Variants in NXPE2 observed in about 807,000 individuals in gnomAD.
NXPE2 encodes neurexophilin and PC-esterase domain family member 2.
NXPE2 carries 34 observed loss-of-function variants against 34.4 expected under a neutral mutation model. That is an observed-to-expected ratio of 0.99 (90% confidence interval 0.75 to 1.31). NXPE2 has a LOEUF of 1.31. NXPE2 is among the 40% of genes most tolerant of loss of function. The probability of loss-of-function intolerance (pLI) is 0.00; values close to 1 mark genes in which losing one functional copy is unlikely to be tolerated. For synonymous variants in NXPE2, 235 were observed against 231.3 expected, an observed-to-expected ratio of 1.02 and a Z score of -0.15; for missense variants, 649 against 672.5, an observed-to-expected ratio of 0.97 and a Z score of 0.39.
At chr11:114,577,107 A>G in the NXPE2 span, among the ~76,000 whole-genome samples, 1 of 142,468 alleles carries the variant, frequency 7.0e-6, no homozygotes, top group Non-Finnish European at 1.5e-5. Flanking sequence ...AAAGTTATAT[A>G]TATACACATA....
chr11:114,513,013 A>T, the NXPE2 span: 6 of 378,422 alleles, frequency 1.6e-5, no homozygotes, highest in Non-Finnish European at 5.4e-6. Flanking sequence ...GGGGTGGGTG[A>T]GCAGCAGAGA....
intron 3 of NXPE2, 89 bp downstream of exon 3, chr11:114,698,867 C>T (rs1041485213): frequency 2.5e-5 from 31 of 1,242,736 alleles, no homozygotes; most frequent in Non-Finnish European, 3.2e-5. Context: ...ACTTTTGTAT[C>T]ATGTCAATTA....
chr11:114,510,127 T>C, the NXPE2 span, among the ~76,000 whole-genome samples: 2 of 152,244 alleles, frequency 1.3e-5, no homozygotes, highest in Admixed American at 6.5e-5. Flanking sequence ...AAAATTATTA[T>C]AAATCTAAAA....
At chr11:114,504,141 G>C in the NXPE2 span, among the ~76,000 whole-genome samples, 1 of 152,192 alleles carries the variant, frequency 6.6e-6, no homozygotes, top group Non-Finnish European at 1.5e-5. Flanking sequence ...GTCTGCAGGG[G>C]TGGGTTTTGC....
chr11:114,736,513 C>G, the NXPE2 span, among the ~76,000 whole-genome samples: 1 of 152,228 alleles, frequency 6.6e-6, no homozygotes, highest in Non-Finnish European at 1.5e-5. Context: ...AAGGTTATCT[C>G]TCTTGTTCCC....
rs553951276 is a variant in NXPE2 at position 114,682,356 on chromosome 11, C to T, written c.132+2594C>T. On this transcript the variant is annotated intron_variant, in intron 2 of 5. Coordinates refer to ENST00000389586, the MANE Select transcript of NXPE2 (RefSeq NM_182495.6). The stretch of plus-strand genomic sequence containing the variant: ...CTTACTTTATCTTTTAAAGTTGGCC[C>T]TTACAATCTCATATGCCCACCTCTT... Among the ~76,000 whole-genome samples, 10 of 152,256 alleles carry T rather than the reference C, an allele frequency of 6.6e-5. 1 individual carries two copies. The East Asian group carries it at 1.9e-3, about 29-fold the overall frequency.
the NXPE2 span, among the ~76,000 whole-genome samples, chr11:114,489,250 A>G: frequency 6.6e-6 from 1 of 152,208 alleles, no homozygotes; most frequent in African/African-American, 2.4e-5. Context: ...CCGGGACCAG[A>G]TGGATTCACA....
At chr11:114,662,856 G>A in the NXPE2 span, among the ~76,000 whole-genome samples, 8 of 152,162 alleles carry the variant, frequency 5.3e-5, no homozygotes, top group Non-Finnish European at 7.4e-5. Flanking sequence ...GTTATCACCT[G>A]CTATCTGCAG....
At chr11:114,533,491 G>A in the NXPE2 span, among the ~76,000 whole-genome samples, 22 of 152,320 alleles carry the variant, frequency 1.4e-4, no homozygotes, top group East Asian at 1.9e-4. Context: ...GCGAGGCATC[G>A]CCTCACCCGG....
the NXPE2 span, among the ~76,000 whole-genome samples, chr11:114,652,036 G>T: frequency 6.6e-6 from 1 of 152,180 alleles, no homozygotes. Context: ...CAAAGCATTT[G>T]TTACCCAACT....
the NXPE2 span, among the ~76,000 whole-genome samples, chr11:114,593,196 ACTT>A: frequency 6.6e-6 from 1 of 152,056 alleles, no homozygotes; most frequent in African/African-American, 2.4e-5. Context: ...AAAACTAAAA[ACTT>A]CTTCACAGCA....
the NXPE2 span, among the ~76,000 whole-genome samples, chr11:114,630,866 C>T: frequency 4.0e-5 from 6 of 151,590 alleles, no homozygotes; most frequent in South Asian, 2.1e-4. Context: ...GGGCAAAGGA[C>T]ATGAACAGAC....
At chr11:114,766,185 T>C in the NXPE2 span, among the ~76,000 whole-genome samples, 1 of 152,186 alleles carries the variant, frequency 6.6e-6, no homozygotes, top group African/African-American at 2.4e-5. Context: ...CCTTTCCTTG[T>C]TCATCTTGCA....
At chr11:114,598,434 C>T in the NXPE2 span, among the ~76,000 whole-genome samples, 68 of 152,312 alleles carry the variant, frequency 4.5e-4, no homozygotes, top group African/African-American at 1.4e-3. Context: ...GGGCTCCAGC[C>T]CCACATTGTC....
At chr11:114,636,572 T>A in the NXPE2 span, among the ~76,000 whole-genome samples, 1 of 151,826 alleles carries the variant, frequency 6.6e-6, no homozygotes, top group African/African-American at 2.4e-5. Flanking sequence ...CAATTTTGGA[T>A]CTTTCCTGCT....
At chr11:114,760,221 G>A in the NXPE2 span, among the ~76,000 whole-genome samples, 2 of 152,152 alleles carry the variant, frequency 1.3e-5, no homozygotes, top group Admixed American at 6.5e-5. Flanking sequence ...TGGGATTAGT[G>A]CCCTTATCAA....
chr11:114,613,330 G>T, the NXPE2 span, among the ~76,000 whole-genome samples: 1 of 151,360 alleles, frequency 6.6e-6, no homozygotes, highest in African/African-American at 2.4e-5. Context: ...ACTGTTACCC[G>T]ATGGATAATA....
the NXPE2 span, among the ~76,000 whole-genome samples, chr11:114,756,130 C>A: frequency 2.6e-5 from 4 of 152,010 alleles, no homozygotes; most frequent in Non-Finnish European, 5.9e-5. Context: ...CTTCCTGGGC[C>A]CATTAAGTGG....
the NXPE2 span, among the ~76,000 whole-genome samples, chr11:114,806,495 C>T: frequency 6.6e-6 from 1 of 152,038 alleles, no homozygotes; most frequent in African/African-American, 2.4e-5. Flanking sequence ...GCAGAGAAGT[C>T]CTTAAAGGAC....
Sources: gnomAD v4.1 joint callset for allele counts (sites outside exome capture counted in the v4.1 genomes callset) on GRCh38, gnomAD v4.1.1 for gene constraint, MANE v1.5 for transcripts, NCBI Gene and HGNC (gene_info 2026-07-23, HGNC 2026-07-21) for gene names.